Variants in HLCS observed in about 807,000 individuals in gnomAD.
The protein encoded by HLCS is holocarboxylase synthetase, also known as biotin--protein ligase.
A neutral mutation model predicts 75.0 loss-of-function variants in HLCS; 53 were observed. The observed-to-expected ratio is 0.71, with a 90% confidence interval of 0.57 to 0.89. The LOEUF (loss-of-function observed/expected upper bound fraction) is 0.89. HLCS is among the 40% of genes least tolerant of loss of function. The probability of loss-of-function intolerance (pLI) is 0.00; values close to 1 mark genes in which losing one functional copy is unlikely to be tolerated. For synonymous variants in HLCS, 431 were observed against 428.6 expected, an observed-to-expected ratio of 1.01 and a Z score of -0.07; for missense variants, 966 against 1,074.0, an observed-to-expected ratio of 0.90 and a Z score of 1.41.
At chr21:36,898,848 C>T in intron 5 of HLCS, among the ~76,000 whole-genome samples, 1 of 151,992 alleles carries the variant, frequency 6.6e-6, no homozygotes. Context: ...ATTGCTTGAG[C>T]TCAAGAGTCT....
chr21:36,951,432 C>T (rs1041126301), intron 2 of HLCS, among the ~76,000 whole-genome samples: 1 of 152,238 alleles, frequency 6.6e-6, no homozygotes, highest in Non-Finnish European at 1.5e-5. Context: ...AAACCTCAGA[C>T]ATCATCTACC....
intron 6 of HLCS, among the ~76,000 whole-genome samples, chr21:36,891,747 T>C (rs552936207): frequency 3.7e-4 from 57 of 152,276 alleles, no homozygotes; most frequent in African/African-American, 1.3e-3. Context: ...TAAAGCTAAC[T>C]AGTCTCAAGA....
chr21:36,825,466 T>C (rs1375885775), intron 6 of HLCS, among the ~76,000 whole-genome samples: 1 of 152,212 alleles, frequency 6.6e-6, no homozygotes, highest in Non-Finnish European at 1.5e-5. Context: ...CTGGTGTGTG[T>C]GTGTATGTGT....
intron 6 of HLCS, among the ~76,000 whole-genome samples, chr21:36,780,988 G>A (rs1259712979): frequency 6.9e-6 from 1 of 144,334 alleles, no homozygotes; most frequent in Non-Finnish European, 1.5e-5. Context: ...AGGCAGGTGA[G>A]TAAGAAAGCT....
At chr21:36,875,745 G>A (rs551702229) in intron 6 of HLCS, among the ~76,000 whole-genome samples, 6 of 152,332 alleles carry the variant, frequency 3.9e-5, no homozygotes, top group Admixed American at 1.3e-4. Flanking sequence ...TGCAGGACAA[G>A]AACTTGGGAC....
In HLCS at chr21:36,767,220, T is replaced by C. The variant is rs1002780911; in HGVS notation, c.1958A>G (p.Lys653Arg). The C allele has an allele frequency of 3.7e-6, 6 of 1,613,950 alleles. No individual in the cohort carries two copies. In the African/African-American group the frequency reaches 8.0e-5, roughly 22 times the overall value. ...AATGATCACAAAAGATGACTGACCT[T>C]TGCCCTCGGTCTGCCGGGCCGCGAT... is the stretch of plus-strand genomic sequence containing the variant. The part of the protein sequence containing the change: ...IVIAARQTEG[K>R]GRGGNVWLSP... Residue 653 changes from lysine to arginine, a missense_variant and splice_region_variant, in exon 7 of 11, where the codon AAA becomes AGA. Coordinates refer to ENST00000674895, the MANE Select transcript of HLCS (RefSeq NM_001352514.2).
upstream of HLCS, among the ~76,000 whole-genome samples, chr21:36,969,391 C>T (rs989537285): frequency 3.9e-5 from 6 of 152,200 alleles, no homozygotes; most frequent in East Asian, 5.8e-4. Context: ...GCAAGAAAAG[C>T]GGAATCCTAG....
chr21:36,936,162 C>T (rs1189983121), intron 4 of HLCS, among the ~76,000 whole-genome samples: 5 of 152,108 alleles, frequency 3.3e-5, no homozygotes, highest in Admixed American at 2.6e-4. Flanking sequence ...AAGAACAAAA[C>T]GAGAATTTTC....
chr21:36,841,230 A>G (rs1299365139), intron 6 of HLCS, among the ~76,000 whole-genome samples: 3 of 152,214 alleles, frequency 2.0e-5, no homozygotes, highest in African/African-American at 7.2e-5. Context: ...AATGGGTCAA[A>G]TATGTTAACC....
intron 1 of HLCS, among the ~76,000 whole-genome samples, chr21:36,984,248 C>A (rs983885806): frequency 3.9e-5 from 6 of 152,038 alleles, no homozygotes; most frequent in African/African-American, 1.5e-4. Context: ...TCCAAGACCC[C>A]CAGTGGACGC....
intron 6 of HLCS, among the ~76,000 whole-genome samples, chr21:36,850,240 C>G (rs2062944489): frequency 6.6e-6 from 1 of 152,242 alleles, no homozygotes; most frequent in African/African-American, 2.4e-5. Flanking sequence ...ATTGCCAACA[C>G]TTTAAATAAC....
chr21:36,941,171 C>T (rs947161469), intron 2 of HLCS, among the ~76,000 whole-genome samples: 3 of 152,172 alleles, frequency 2.0e-5, no homozygotes, highest in South Asian at 2.1e-4. Flanking sequence ...GAGATCATGC[C>T]ATTGCACTCC....
At chr21:36,756,436 G>C in intron 10 of HLCS, 106 bp downstream of exon 10, 1 of 714,584 alleles carries the variant, frequency 1.4e-6, no homozygotes, top group Non-Finnish European at 2.1e-6. Context: ...GGGCGACAGA[G>C]TGAGACTCCG....
intron 6 of HLCS, among the ~76,000 whole-genome samples, chr21:36,865,562 G>A (rs1367600727): frequency 1.3e-5 from 2 of 152,128 alleles, no homozygotes; most frequent in African/African-American, 2.4e-5. Flanking sequence ...CCCAGCTCCT[G>A]CCTCTCCTAA....
intron 6 of HLCS, among the ~76,000 whole-genome samples, chr21:36,869,670 A>C (rs2063704834): frequency 6.6e-6 from 1 of 152,160 alleles, no homozygotes; most frequent in South Asian, 2.1e-4. Flanking sequence ...TCTTTACCAG[A>C]CTTGCTTAGT....
chr21:36,985,047 C>T (rs766683585), intron 1 of HLCS, among the ~76,000 whole-genome samples: 3 of 152,114 alleles, frequency 2.0e-5, no homozygotes, highest in Non-Finnish European at 4.4e-5. Flanking sequence ...TGACCCTTCA[C>T]CCTAGTACTT....
At chr21:36,867,538 C>T (rs1016484222) in intron 6 of HLCS, among the ~76,000 whole-genome samples, 8 of 152,180 alleles carry the variant, frequency 5.3e-5, no homozygotes, top group African/African-American at 1.9e-4. Context: ...AAGCATACCA[C>T]TCCAGCCTCA....
intron 6 of HLCS, among the ~76,000 whole-genome samples, chr21:36,855,103 T>C (rs2063141494): frequency 6.6e-6 from 1 of 152,136 alleles, no homozygotes; most frequent in Non-Finnish European, 1.5e-5. Flanking sequence ...GGTGCATGTG[T>C]CTATTTCATC....
intron 6 of HLCS, among the ~76,000 whole-genome samples, chr21:36,874,836 C>T (rs925703725): frequency 3.3e-5 from 5 of 152,016 alleles, no homozygotes; most frequent in Admixed American, 1.3e-4. Flanking sequence ...CACCCAGCCA[C>T]GGCTCTGGAC....
Sources: gnomAD v4.1 joint callset for allele counts (sites outside exome capture counted in the v4.1 genomes callset) on GRCh38, gnomAD v4.1.1 for gene constraint, MANE v1.5 for transcripts, NCBI Gene and HGNC (gene_info 2026-07-23, HGNC 2026-07-21) for gene names.